KHDRBS2: variants seen among roughly 807,000 people sequenced by gnomAD.
KHDRBS2 encodes the protein KH domain-containing, RNA-binding, signal transduction-associated protein 2.
A neutral mutation model predicts 44.3 loss-of-function variants in KHDRBS2; 26 were observed. The ratio of observed to expected loss-of-function variants is 0.59; its 90% CI spans 0.43 to 0.81. KHDRBS2 has a LOEUF of 0.81. KHDRBS2 is among the 40% of genes least tolerant of loss of function. The pLI is 0.00. For missense variants in KHDRBS2, 476 were observed against 433.1 expected (o/e 1.10, Z -0.88); for synonymous variants, 194 against 151.1 (o/e 1.28, Z -2.08).
chr6:61,617,379 A>G, the KHDRBS2 span, among the ~76,000 whole-genome samples: 29,480 of 152,042 alleles, frequency 0.19, 3,342 homozygotes, highest in South Asian at 0.33. Flanking sequence ...CTAGATTATC[A>G]GTCTCATTGT....
intron 1 of KHDRBS2, among the ~76,000 whole-genome samples, chr6:62,221,929 T>C (rs1172159745): frequency 6.6e-6 from 1 of 152,114 alleles, no homozygotes; most frequent in African/African-American, 2.4e-5. Context: ...CTAAAAAACA[T>C]ACCAATAATC....
At chr6:62,228,358 C>T (rs1321333203) in intron 1 of KHDRBS2, among the ~76,000 whole-genome samples, 13 of 151,932 alleles carry the variant, frequency 8.6e-5, no homozygotes, top group African/African-American at 2.7e-4. Flanking sequence ...TCTGTGGGGT[C>T]GGTGGTGATA....
chr6:61,615,403 C>T, the KHDRBS2 span, among the ~76,000 whole-genome samples: 4 of 151,950 alleles, frequency 2.6e-5, no homozygotes, highest in East Asian at 1.9e-4. Flanking sequence ...CTTTTCTGTT[C>T]TTTGCTCACT....
At chr6:61,735,267 A>T (rs568612287) in intron 6 of KHDRBS2, among the ~76,000 whole-genome samples, 1 of 151,868 alleles carries the variant, frequency 6.6e-6, no homozygotes, top group African/African-American at 2.4e-5. Flanking sequence ...TTATATATAT[A>T]TTTTTTAAGA....
intron 1 of KHDRBS2, among the ~76,000 whole-genome samples, chr6:62,227,122 A>G (rs567107332): frequency 2.9e-4 from 44 of 152,226 alleles, no homozygotes; most frequent in Non-Finnish European, 2.9e-4. Context: ...TAGTATAGCC[A>G]TTTTCACATT....
At chr6:61,858,369 T>A (rs1405640571) in intron 6 of KHDRBS2, among the ~76,000 whole-genome samples, 1 of 151,948 alleles carries the variant, frequency 6.6e-6, no homozygotes, top group Non-Finnish European at 1.5e-5. Context: ...TTTCTGTTTT[T>A]ACCAAGTAAG....
intron 4 of KHDRBS2, among the ~76,000 whole-genome samples, chr6:61,936,037 ATCTG>A (rs1314535317): frequency 6.6e-6 from 1 of 152,070 alleles, no homozygotes; most frequent in Non-Finnish European, 1.5e-5. Flanking sequence ...CTATTCTATC[ATCTG>A]TCTATGTACT....
At chr6:62,169,910 C>A (rs947088039) in intron 2 of KHDRBS2, among the ~76,000 whole-genome samples, 2 of 151,742 alleles carry the variant, frequency 1.3e-5, no homozygotes, top group African/African-American at 4.8e-5. Flanking sequence ...CCTCACCAGA[C>A]AAAGCTTGAG....
chr6:62,053,624 C>G (rs1281674833), intron 2 of KHDRBS2, among the ~76,000 whole-genome samples: 1 of 152,026 alleles, frequency 6.6e-6, no homozygotes, highest in South Asian at 2.1e-4. Flanking sequence ...GAAACATCAT[C>G]AGTCAATAGA....
At chr6:61,968,383 A>T (rs1031566345) in intron 4 of KHDRBS2, among the ~76,000 whole-genome samples, 2 of 152,022 alleles carry the variant, frequency 1.3e-5, no homozygotes, top group Non-Finnish European at 2.9e-5. Flanking sequence ...CTCCTTGCCT[A>T]TGTTTAAAAC....
the KHDRBS2 span, among the ~76,000 whole-genome samples, chr6:61,629,286 C>A: frequency 6.6e-6 from 1 of 152,074 alleles, no homozygotes; most frequent in Non-Finnish European, 1.5e-5. Context: ...TAAGGTGACC[C>A]CCTCTCTTTC....
At chr6:62,053,788 A>G (rs1241702292) in intron 2 of KHDRBS2, among the ~76,000 whole-genome samples, 1 of 151,996 alleles carries the variant, frequency 6.6e-6, no homozygotes, top group Non-Finnish European at 1.5e-5. Context: ...GAAAGTAAAA[A>G]AATGCCATTT....
the KHDRBS2 span, among the ~76,000 whole-genome samples, chr6:61,601,260 C>G: frequency 6.6e-6 from 1 of 152,136 alleles, no homozygotes; most frequent in African/African-American, 2.4e-5. Context: ...CAGGCACCCC[C>G]CACCCCTTCT....
At chr6:61,964,244 T>C (rs1339702118) in intron 4 of KHDRBS2, among the ~76,000 whole-genome samples, 1 of 152,062 alleles carries the variant, frequency 6.6e-6, no homozygotes, top group Non-Finnish European at 1.5e-5. Flanking sequence ...ATATATGTTG[T>C]AGAAGAATTT....
chr6:61,588,428 C>T, the KHDRBS2 span, among the ~76,000 whole-genome samples: 4 of 152,122 alleles, frequency 2.6e-5, no homozygotes, highest in African/African-American at 9.7e-5. Flanking sequence ...ATTATTGTTG[C>T]ATTGCCTGAG....
chr6:61,640,822 C>T, the KHDRBS2 span, among the ~76,000 whole-genome samples: 7 of 152,028 alleles, frequency 4.6e-5, no homozygotes, highest in East Asian at 1.9e-4. Context: ...AAATTTTGGA[C>T]GTGGCCAAGT....
chr6:61,932,522 C>T (rs905672599), intron 4 of KHDRBS2, among the ~76,000 whole-genome samples: 5 of 152,032 alleles, frequency 3.3e-5, no homozygotes, highest in African/African-American at 1.2e-4. Context: ...TCATACAGGC[C>T]GGGCACGGTG....
At chr6:61,574,191 GTT>G in the KHDRBS2 span, 1 of 657,782 alleles carries the variant, frequency 1.5e-6, no homozygotes, top group Non-Finnish European at 2.7e-6. Flanking sequence ...TACCCCGCCT[GTT>G]TACCAAAAAC....
chr6:61,724,374 A>ATCACT (rs1773204192), intron 7 of KHDRBS2, among the ~76,000 whole-genome samples: 1 of 152,190 alleles, frequency 6.6e-6, no homozygotes, highest in Non-Finnish European at 1.5e-5. Context: ...ACTGAAGTAC[A>ATCACT]GACCAGTGAT....
Sources: allele counts gnomAD v4.1 joint callset (sites outside exome capture counted in the v4.1 genomes callset), GRCh38; gene constraint gnomAD v4.1.1; transcripts MANE v1.5; gene names NCBI Gene and HGNC (gene_info 2026-07-23, HGNC 2026-07-21).